The following SYNPO2L variants were observed in gnomAD, a reference collection of about 807,000 sequenced individuals.
SYNPO2L encodes the protein synaptopodin 2 like, also known as synaptopodin 2-like protein.
Under a neutral mutation model 47.5 loss-of-function variants are expected in SYNPO2L, and 34 were observed. The observed-to-expected ratio is 0.72, with a 90% confidence interval of 0.54 to 0.95. SYNPO2L has a LOEUF of 0.95. Ranked by LOEUF, SYNPO2L falls within the 40% of genes least tolerant of loss-of-function variation. SYNPO2L has a pLI of 0.00. For synonymous variants in SYNPO2L, 536 were observed against 524.9 expected (o/e 1.02, Z -0.29); for missense variants, 1,246 against 1,282.0 (o/e 0.97, Z 0.43).
Position 73,645,949 on chromosome 10 carries a change from C to A in SYNPO2L, c.*769G>T. ...ATGCCATTCTCCTGCCTCAGCCTCCCGAGTAGCTGGGACTACAGGCGCTCG... is the reference window on the plus strand; with the variant it reads ...ATGCCATTCTCCTGCCTCAGCCTCCAGAGTAGCTGGGACTACAGGCGCTCG... On this transcript the variant is annotated 3_prime_UTR_variant, in exon 4 of 4. Coordinates refer to ENST00000394810, the MANE Select transcript of SYNPO2L (RefSeq NM_001114133.3). 1 of 867,222 alleles carries A rather than the reference C, an allele frequency of 1.2e-6. No individual in the cohort carries two copies. Among genetic ancestry groups the A allele is most frequent in the Non-Finnish European group, 1.4e-6 (1 of 721,886 alleles). The allele number at this position is 867,222 out of a possible 1,614,324, so 53.7% of individuals were successfully genotyped here.
Position 73,646,339 on chromosome 10 carries a change from G to T in SYNPO2L, c.*379C>A. On this transcript the variant is annotated 3_prime_UTR_variant, in exon 4 of 4. Transcript: ENST00000394810. ...CCTGGTGGTGAGCTTCTTGCCTGAA[G>T]TCCCAGTGGTCACTTCTGCTCTGTT... is the stretch of plus-strand genomic sequence containing the variant. 1 of 1,001,730 alleles carries T rather than the reference G, an allele frequency of 1.0e-6. No individual in the cohort carries two copies. The highest frequency in any genetic ancestry group is 1.2e-6 in the Non-Finnish European group (1 of 841,666). 62.1% of individuals were successfully genotyped at this position (1,001,730 alleles called of 1,614,324 possible).
In SYNPO2L at chr10:73,648,359, C is replaced by T. The variant is rs751980555; in HGVS notation, c.1293G>A (p.Glu431=). 3 of 1,605,944 alleles carry T rather than the reference C, an allele frequency of 1.9e-6. No individual in the cohort carries two copies. Among genetic ancestry groups the T allele is most frequent in the South Asian group, 1.1e-5 (1 of 90,858 alleles). The change falls in exon 4 of 4, where the codon GAG becomes GAA. Residue 431 remains glutamate, a synonymous_variant. Transcript: ENST00000394810. The part of the protein sequence containing the change: ...SPPRAQSAPP[E]AAVLPPSPLP... ...AGGGGCTGGGTGGGAGCACAGCTGC[C>T]TCTGGGGGAGCACTCTGGGCCCGAG...
chr10:73,652,711 TG>T (rs778699328), intron 3 of SYNPO2L, among the ~76,000 whole-genome samples: 3 of 152,012 alleles, frequency 2.0e-5, no homozygotes, highest in Non-Finnish European at 4.4e-5. Context: ...CCTGCGTTCA[TG>T]CTATCCTCCC....
In SYNPO2L at chr10:73,647,070, A is replaced by C. The variant is rs755094886; in HGVS notation, c.2582T>G (p.Met861Arg). ...CGGGGGAACCTCATCAAAACAGAAC[A>C]TGGCAGTTTTAAGTTGATAGGGCTG... Reference protein sequence around the residue: ...RHQPYQLKTAMFCFDEVPPTP... With the variant: ...RHQPYQLKTARFCFDEVPPTP... Residue 861 changes from methionine to arginine, a missense_variant, in exon 4 of 4, where the codon ATG becomes AGG. Coordinates refer to ENST00000394810, the MANE Select transcript of SYNPO2L (RefSeq NM_001114133.3). The C allele has an allele frequency of 6.2e-7, 1 of 1,613,708 alleles. No individual in the cohort carries two copies. The highest frequency in any genetic ancestry group is 8.5e-7 in the Non-Finnish European group (1 of 1,179,964).
rs1164349268 is a variant in SYNPO2L at position 73,655,971 on chromosome 10, G to A, written c.-49C>T. The A allele has an allele frequency of 6.7e-7, 1 of 1,491,964 alleles. No homozygotes were observed. Among genetic ancestry groups the A allele is most frequent in the Admixed American group, 2.2e-5 (1 of 44,448 alleles). The allele number at this position is 1,491,964 out of a possible 1,614,324, so 92.4% of individuals were successfully genotyped here. ...CGGAGTTTGAACAGTGTCCCCAGGA[G>A]AGAAGTTGAGGTGCTCGAACCCCGT... On this transcript the variant is annotated 5_prime_UTR_variant, in exon 1 of 4. Coordinates refer to ENST00000394810, the MANE Select transcript of SYNPO2L (RefSeq NM_001114133.3).
chr10:73,646,685 C>T lies in SYNPO2L; in HGVS notation c.*33G>A. 1 of 1,420,200 alleles carries T rather than the reference C, an allele frequency of 7.0e-7. No individual in the cohort carries two copies. The highest frequency in any genetic ancestry group is 9.2e-7 in the Non-Finnish European group (1 of 1,082,558). 88.0% of individuals were successfully genotyped at this position (1,420,200 alleles called of 1,614,324 possible). ...GAAGCAACTTTAGGAACTGGATGTTCCACCTCTCCTTGGTCCTGGGACCTG... is the reference window on the plus strand; with the variant it reads ...GAAGCAACTTTAGGAACTGGATGTTTCACCTCTCCTTGGTCCTGGGACCTG... On this transcript the variant is annotated 3_prime_UTR_variant, in exon 4 of 4. Transcript: ENST00000394810.
In SYNPO2L at chr10:73,645,677, C is replaced by G. The variant is rs1157739728; in HGVS notation, c.*1041G>C. ...CCTGGCCCTTCAGTCTTTTCATGCT[C>G]CATAACTTTCACAAGATGCTGTACA... On this transcript the variant is annotated 3_prime_UTR_variant, in exon 4 of 4. Transcript: ENST00000394810. 1.0e-6 allele frequency: 1 copy of G among 985,898 alleles called. No individual in the cohort carries two copies. Among genetic ancestry groups the G allele is most frequent in the African/African-American group, 1.7e-5 (1 of 57,216 alleles). 61.1% of individuals were successfully genotyped at this position (985,898 alleles called of 1,614,324 possible).
At chr10:73,651,938 A>G (rs78255626) in intron 3 of SYNPO2L, among the ~76,000 whole-genome samples, 18,105 of 150,944 alleles carry the variant, frequency 0.12, 2,500 homozygotes, top group African/African-American at 0.32. Context: ...AGCCAGGTGT[A>G]GTGGCGGGCA....
intron 3 of SYNPO2L, chr10:73,650,208 ATG>A (rs2081829512): frequency 2.0e-6 from 2 of 985,262 alleles, no homozygotes; most frequent in African/African-American, 1.7e-5. Flanking sequence ...TCAAGGTACC[ATG>A]CTCCTTTGTA....
In SYNPO2L at chr10:73,647,666, C is replaced by T; in HGVS notation, c.1986G>A (p.Lys662=). 6.2e-7 allele frequency: 1 copy of T among 1,614,032 alleles called. No homozygotes were observed. The highest frequency in any genetic ancestry group is 2.2e-5 in the East Asian group (1 of 44,852). Reference sequence around the variant, plus strand: ...CAGATTCTGCACCCCCGGCCCGAGGCTTTTCATCCAGGTTCTGTACCAGCG... The same window carrying T: ...CAGATTCTGCACCCCCGGCCCGAGGTTTTTCATCCAGGTTCTGTACCAGCG... The part of the protein sequence containing the change: ...LLSLVQNLDE[K]PRAGGAESGP... Residue 662 remains lysine (K), a synonymous_variant, in exon 4 of 4, where the codon AAG becomes AAA. Transcript: ENST00000394810.
In SYNPO2L at chr10:73,647,372, C is replaced by T; in HGVS notation, c.2280G>A (p.Glu760=). Residue 760 remains glutamate, a synonymous_variant, in exon 4 of 4, where the codon GAG becomes GAA. Transcript: ENST00000394810. ...CACGGCTCTGCCGCTTAGCAAACAGCTCCCCACCCCTGCCCTGCAGCCTTG... is the reference window on the plus strand; with the variant it reads ...CACGGCTCTGCCGCTTAGCAAACAGTTCCCCACCCCTGCCCTGCAGCCTTG... ...EPPRLQGRGG[E]LFAKRQSRAD... 6.2e-7 allele frequency: 1 copy of T among 1,614,096 alleles called. No individual in the cohort carries two copies. The highest frequency in any genetic ancestry group is 1.1e-5 in the South Asian group (1 of 91,084).
rs1275442619 is a variant in SYNPO2L, at chr10:73,653,201, G to A, written c.710C>T (p.Pro237Leu). 4 of 1,477,246 alleles carry A rather than the reference G, an allele frequency of 2.7e-6. No individual in the cohort carries two copies. The Admixed American group carries it at 7.4e-5, about 27-fold the overall frequency. The allele number at this position is 1,477,246 out of a possible 1,614,324, so 91.5% of individuals were successfully genotyped here. Residue 237 changes from proline to leucine, a missense_variant, in exon 3 of 4, where the codon CCT becomes CTT. Coordinates refer to ENST00000394810, the MANE Select transcript of SYNPO2L (RefSeq NM_001114133.3). ...PGPHLIPMVG[P>L]VPHPVAEDLT... ...ATCTTCTGCCACTGGGTGGGGAACA[G>A]GCCCCACCATAGGGATGAGATGAGG... is the stretch of plus-strand genomic sequence containing the variant.
At chr10:73,653,943 C>T (rs775684463) in intron 2 of SYNPO2L, 186 bp downstream of exon 2, 1 of 819,280 alleles carries the variant, frequency 1.2e-6, no homozygotes, top group Non-Finnish European at 1.9e-6. Flanking sequence ...CTGACATCCC[C>T]ATCCCTTAAT....
Position 73,645,687 on chromosome 10 carries a change from C to A in SYNPO2L, c.*1031G>T. Reference sequence around the variant, plus strand: ...CAGTCTTTTCATGCTCCATAACTTTCACAAGATGCTGTACACCTGCTACAG... The same window carrying A: ...CAGTCTTTTCATGCTCCATAACTTTAACAAGATGCTGTACACCTGCTACAG... On this transcript the variant is annotated 3_prime_UTR_variant, in exon 4 of 4. Coordinates refer to ENST00000394810, the MANE Select transcript of SYNPO2L (RefSeq NM_001114133.3). 1 of 986,030 alleles carries A rather than the reference C, an allele frequency of 1.0e-6. No homozygotes were observed. The highest frequency in any genetic ancestry group is 1.2e-6 in the Non-Finnish European group (1 of 830,082). The allele number at this position is 986,030 out of a possible 1,614,324, so 61.1% of individuals were successfully genotyped here.
chr10:73,648,931 G>T (rs1407897175), intron 3 of SYNPO2L, 52 bp from the exon 4 acceptor site: 5 of 1,448,548 alleles, frequency 3.5e-6, no homozygotes, highest in Non-Finnish European at 4.5e-6. Flanking sequence ...GCCTCTTTTA[G>T]TCCTGTTCCC....
chr10:73,652,772 C>T (rs2395055), intron 3 of SYNPO2L, among the ~76,000 whole-genome samples: 3 of 151,890 alleles, frequency 2.0e-5, no homozygotes, highest in Admixed American at 6.6e-5. Flanking sequence ...CACCTTGCCC[C>T]GCCTTCAACC....
chr10:73,647,770 G>T lies in SYNPO2L; in HGVS notation c.1882C>A (p.Arg628=), dbSNP rs1264193944. Residue 628 remains arginine (R), a synonymous_variant, in exon 4 of 4, where the codon CGG becomes AGG. Transcript: ENST00000394810. ...AARTGILQEA[R]RRGTRKQMFR... ...ATCTGCTTCCGGGTCCCCCGGCGCC[G>T]GGCCTCCTGCAGGATACCCGTGCGG... is the stretch of plus-strand genomic sequence containing the variant. 6.2e-7 allele frequency: 1 copy of T among 1,613,596 alleles called. No homozygotes were observed. The highest frequency in any genetic ancestry group is 1.3e-5 in the African/African-American group (1 of 74,944).
chr10:73,646,992 A>T lies in SYNPO2L; in HGVS notation c.2660T>A (p.Ile887Asn). ...GGGTGCCGGAGTGGAAAACCGGCGA[A>T]TCTCCTGGACTCGGGCAGTTTTGGG... ...GSPKTARVQE[I>N]RRFSTPAPQP... Residue 887 changes from isoleucine (I) to asparagine (N), a missense_variant, in exon 4 of 4, where the codon ATT becomes AAT. Transcript: ENST00000394810. The T allele has an allele frequency of 6.2e-7, 1 of 1,612,846 alleles. No individual in the cohort carries two copies. Among genetic ancestry groups the T allele is most frequent in the Non-Finnish European group, 8.5e-7 (1 of 1,179,062 alleles).
At chr10:73,653,019 T>C in intron 3 of SYNPO2L, 120 bp downstream of exon 3, 2 of 1,237,204 alleles carry the variant, frequency 1.6e-6, no homozygotes, top group Non-Finnish European at 1.1e-6. Context: ...TCATTACCCC[T>C]CCTGTCCCCA....
Sources: allele counts gnomAD v4.1 joint callset (sites outside exome capture counted in the v4.1 genomes callset), GRCh38; gene constraint gnomAD v4.1.1; transcripts MANE v1.5; gene names NCBI Gene and HGNC (gene_info 2026-07-23, HGNC 2026-07-21).